Variants in GREB1L observed in about 807,000 individuals in gnomAD.
GREB1L encodes the protein GREB1-like protein.
Under a neutral mutation model 200.8 loss-of-function variants are expected in GREB1L, and 17 were observed. The ratio of observed to expected loss-of-function variants is 0.08; its 90% CI spans 0.06 to 0.13. The LOEUF is 0.13. GREB1L is among the 10% of genes least tolerant of loss of function. GREB1L has a pLI of 1.00. For missense variants in GREB1L, 1,657 were observed against 2,367.7 expected, an observed-to-expected ratio of 0.70 and a Z score of 6.23; for synonymous variants, 789 against 893.0, an observed-to-expected ratio of 0.88 and a Z score of 2.08.
intron 1 of GREB1L, among the ~76,000 whole-genome samples, chr18:21,319,066 G>A (rs922278344): frequency 2.6e-5 from 4 of 152,206 alleles, no homozygotes; most frequent in Non-Finnish European, 4.4e-5. Context: ...CAACAGTCAG[G>A]AAGAAAACCT....
intron 21 of GREB1L, 53 bp from the exon 22 acceptor site, chr18:21,499,676 C>G (rs2145934579): frequency 7.4e-7 from 1 of 1,345,006 alleles, no homozygotes; most frequent in African/African-American, 1.4e-5. Context: ...GCTTCCACAC[C>G]CTAGATCAGT....
In GREB1L at chr18:21,411,312, T is replaced by C. The variant is rs373076446; in HGVS notation, c.832+7318T>C. ...AGCCCCGCCTCCCGGGTTCACACCA[T>C]TCTCCTGCCTCAGCCTCCCGAGTAG... On this transcript the variant is annotated intron_variant, in intron 7 of 32. Coordinates refer to ENST00000424526, the MANE Select transcript of GREB1L (RefSeq NM_001142966.3). 9.9e-5 allele frequency among the ~76,000 whole-genome samples: 15 copies of C among 152,058 alleles called. No individual in the cohort carries two copies. The East Asian group carries it at 2.9e-3, about 30-fold the overall frequency.
At chr18:21,373,806 G>C (rs1382934103) in intron 2 of GREB1L, among the ~76,000 whole-genome samples, 1 of 152,152 alleles carries the variant, frequency 6.6e-6, no homozygotes, top group Non-Finnish European at 1.5e-5. Context: ...TTCTTTTCCT[G>C]CTTGTAGTGC....
intron 7 of GREB1L, among the ~76,000 whole-genome samples, chr18:21,415,334 G>C (rs186353373): frequency 3.1e-4 from 47 of 152,154 alleles, no homozygotes; most frequent in African/African-American, 1.1e-3. Context: ...GGGCAACCTG[G>C]TGAGACCATG....
At chr18:21,506,540 G>A (rs1389633737) in intron 25 of GREB1L, among the ~76,000 whole-genome samples, 3 of 152,232 alleles carry the variant, frequency 2.0e-5, no homozygotes, top group Non-Finnish European at 4.4e-5. Flanking sequence ...AGGTTAGGAA[G>A]TAGCTGAGGT....
At chr18:21,456,146 T>TCC (rs1427444960) in intron 15 of GREB1L, among the ~76,000 whole-genome samples, 4 of 152,048 alleles carry the variant, frequency 2.6e-5, no homozygotes, top group Admixed American at 6.6e-5. Context: ...CCTCAAGTGA[T>TCC]CCACCAGCCT....
intron 7 of GREB1L, among the ~76,000 whole-genome samples, chr18:21,407,637 T>G (rs1302174305): frequency 6.6e-6 from 1 of 152,042 alleles, no homozygotes; most frequent in Non-Finnish European, 1.5e-5. Flanking sequence ...TATTTTAAAC[T>G]TCATAAGTCA....
intron 18 of GREB1L, among the ~76,000 whole-genome samples, chr18:21,487,650 G>C (rs2036176077): frequency 6.6e-6 from 1 of 152,178 alleles, no homozygotes; most frequent in South Asian, 2.1e-4. Context: ...TCAGTTGTAT[G>C]AACTGGGACA....
chr18:21,497,358 A>G (rs2036584470), intron 21 of GREB1L, among the ~76,000 whole-genome samples: 1 of 152,212 alleles, frequency 6.6e-6, no homozygotes, highest in Non-Finnish European at 1.5e-5. Flanking sequence ...GAAAACATGG[A>G]AAATGTCGGC....
intron 7 of GREB1L, among the ~76,000 whole-genome samples, chr18:21,406,938 T>C (rs962085792): frequency 6.7e-5 from 10 of 148,994 alleles, no homozygotes; most frequent in Non-Finnish European, 1.5e-4. Flanking sequence ...GCAGTGGCAC[T>C]ATCTCAGCTC....
At chr18:21,493,605 G>T (rs1261538282) in intron 19 of GREB1L, among the ~76,000 whole-genome samples, 2 of 152,050 alleles carry the variant, frequency 1.3e-5, no homozygotes, top group African/African-American at 4.8e-5. Flanking sequence ...AGTGGCTCAC[G>T]CCTATAATCC....
intron 1 of GREB1L, among the ~76,000 whole-genome samples, chr18:21,340,521 A>G (rs2039253578): frequency 6.6e-6 from 1 of 151,800 alleles, no homozygotes; most frequent in Non-Finnish European, 1.5e-5. Context: ...TTTTATAAAG[A>G]TTAACCAAGA....
At chr18:21,485,105 A>G (rs1043821712) in intron 17 of GREB1L, among the ~76,000 whole-genome samples, 2 of 152,220 alleles carry the variant, frequency 1.3e-5, no homozygotes, top group Non-Finnish European at 2.9e-5. Context: ...GGGCTACGTT[A>G]AATACTGTGG....
chr18:21,499,300 C>A (rs1043674154), intron 21 of GREB1L, among the ~76,000 whole-genome samples: 4 of 152,194 alleles, frequency 2.6e-5, no homozygotes, highest in African/African-American at 9.6e-5. Context: ...AGTAGAGGGA[C>A]TATTTACTAA....
chr18:21,428,332 CTTTTTTTTTTTT>C (rs59982674), intron 7 of GREB1L, among the ~76,000 whole-genome samples: 27 of 54,032 alleles, frequency 5.0e-4, no homozygotes, highest in Middle Eastern at 0.019. Flanking sequence ...GTCTTTTTGT[CTTTTTTTTTTTT>C]TTTTTTTTTT....
chr18:21,268,544 CACACACACACACACACATATATATATAT>C (rs1220313451), intron 1 of GREB1L, among the ~76,000 whole-genome samples: 7 of 96,968 alleles, frequency 7.2e-5, no homozygotes, highest in African/African-American at 3.1e-4. Flanking sequence ...CACACACACA[CACACACACACACACACATATATATATAT>C]ATATATATAT....
At chr18:21,346,476 A>G (rs537502369) in intron 1 of GREB1L, among the ~76,000 whole-genome samples, 2 of 151,942 alleles carry the variant, frequency 1.3e-5, no homozygotes, top group South Asian at 4.2e-4. Context: ...CTATATTTCC[A>G]TCTTTCTTTC....
intron 25 of GREB1L, among the ~76,000 whole-genome samples, chr18:21,506,598 C>T (rs1478436353): frequency 6.6e-6 from 1 of 152,110 alleles, no homozygotes; most frequent in African/African-American, 2.4e-5. Context: ...AAAGGGTTTC[C>T]CCCTCTTCCC....
chr18:21,308,735 G>A (rs2038742780), intron 1 of GREB1L, among the ~76,000 whole-genome samples: 1 of 152,184 alleles, frequency 6.6e-6, no homozygotes, highest in African/African-American at 2.4e-5. Context: ...TTGTGGCCCT[G>A]GACTGAGGAG....
Sources: allele counts gnomAD v4.1 joint callset (sites outside exome capture counted in the v4.1 genomes callset), GRCh38; gene constraint gnomAD v4.1.1; transcripts MANE v1.5; gene names NCBI Gene and HGNC (gene_info 2026-07-23, HGNC 2026-07-21).